The following FAM135B variants were observed in gnomAD, a reference collection of about 807,000 sequenced individuals.
FAM135B encodes protein FAM135B.
In FAM135B, 43 loss-of-function variants were observed where a neutral mutation model predicts 127.7. The ratio of observed to expected loss-of-function variants is 0.34; its 90% CI spans 0.26 to 0.43. The LOEUF is 0.43. FAM135B is among the 20% of genes least tolerant of loss of function. FAM135B has a pLI of 1.00. For missense variants in FAM135B, 1,558 were observed against 1,725.6 expected (o/e 0.90, Z 1.72); for synonymous variants, 670 against 665.1 (o/e 1.01, Z -0.11).
chr8:138,297,015 A>G (rs561831995), intron 3 of FAM135B, among the ~76,000 whole-genome samples: 1 of 152,194 alleles, frequency 6.6e-6, no homozygotes, highest in East Asian at 1.9e-4. Context: ...TTCTCATGTC[A>G]TTGCACAACT....
At chr8:138,305,896 C>T (rs886597539) in intron 3 of FAM135B, among the ~76,000 whole-genome samples, 12 of 152,004 alleles carry the variant, frequency 7.9e-5, no homozygotes, top group African/African-American at 2.9e-4. Flanking sequence ...AGGAAGACCA[C>T]TTGAAATTAT....
At chr8:138,169,807 T>G (rs1820268978) in intron 11 of FAM135B, among the ~76,000 whole-genome samples, 1 of 152,168 alleles carries the variant, frequency 6.6e-6, no homozygotes, top group Non-Finnish European at 1.5e-5. Context: ...AACAAGCGAT[T>G]AAGCAATATA....
chr8:138,379,341 G>C (rs1283757836), intron 1 of FAM135B, among the ~76,000 whole-genome samples: 1 of 151,962 alleles, frequency 6.6e-6, no homozygotes, highest in African/African-American at 2.4e-5. Flanking sequence ...TATCTACTTA[G>C]TAGTGATTCA....
At chr8:138,270,925 AG>A in intron 3 of FAM135B, among the ~76,000 whole-genome samples, 1 of 152,350 alleles carries the variant, frequency 6.6e-6, no homozygotes, top group South Asian at 2.1e-4. Flanking sequence ...GGAGCAGCAA[AG>A]GGTTCACTTT....
rs766380966 is a variant in FAM135B, at chr8:138,152,811, T to C, written c.1664A>G (p.Asp555Gly). Residue 555 changes from aspartate (D) to glycine (G), a missense_variant, in exon 13 of 20, where the codon GAC becomes GGC. Physicochemically the swap from Asp to Gly is moderately conservative, Grantham distance 94 (BLOSUM62 -1). This residue lies in a region of FAM135B where 923 missense variants were observed against 865.3 expected (regional missense o/e 1.07). Transcript: ENST00000395297. ...GGGGTTCTTATTGCTAGATTTTACG[T>C]CAATGTAGGTCAGCACTGGGGCCTG... Reference protein sequence around the residue: ...DGQAPVLTYIDVKSSNKNPSR... With the variant: ...DGQAPVLTYIGVKSSNKNPSR... The C allele has an allele frequency of 6.2e-7, 1 of 1,614,144 alleles. No individual in the cohort carries two copies. Among genetic ancestry groups the C allele is most frequent in the Non-Finnish European group, 8.5e-7 (1 of 1,180,034 alleles).
In FAM135B at chr8:138,440,587, T is replaced by C. The variant is rs566802607; in HGVS notation, c.-20+56084A>G. ...ACCAAAATCATCATCATTGCTATCA[T>C]TACAAGATAACATAAATCAGTTCCA... On this transcript the variant is annotated intron_variant, in intron 1 of 19. Coordinates refer to ENST00000395297, the MANE Select transcript of FAM135B (RefSeq NM_015912.4). 3.9e-5 allele frequency: 6 copies of C among 152,122 alleles called. No individual in the cohort carries two copies. The East Asian group carries it at 1.2e-3, about 29-fold the overall frequency. The allele number at this position is 152,122 out of a possible 1,614,324, so 9.4% of individuals were successfully genotyped here.
rs560851799 is a variant in FAM135B at position 138,223,542 on chromosome 8, A to G, written c.669+19400T>C. The stretch of plus-strand genomic sequence containing the variant: ...ATTCCTAAGATAAAGAGGATCCTGA[A>G]GGGTATCCCAGGCATAGGAAGCAGC... On this transcript the variant is annotated intron_variant, in intron 7 of 19. Transcript: ENST00000395297. Among the ~76,000 whole-genome samples, 283 of 152,318 alleles carry G rather than the reference A, an allele frequency of 1.9e-3. 1 individual carries two copies. Among genetic ancestry groups the G allele is most frequent in the Middle Eastern group, 0.017 (5 of 294 alleles).
intron 7 of FAM135B, among the ~76,000 whole-genome samples, chr8:138,224,729 C>CATTA (rs1166240525): frequency 1.3e-5 from 2 of 152,088 alleles, no homozygotes; most frequent in Non-Finnish European, 2.9e-5. Flanking sequence ...TTTGGAAAGT[C>CATTA]ATTAGAGTTG....
intron 1 of FAM135B, among the ~76,000 whole-genome samples, chr8:138,383,360 C>T (rs1041220262): frequency 2.0e-5 from 3 of 152,204 alleles, no homozygotes; most frequent in Non-Finnish European, 2.9e-5. Context: ...TGTAAAAACA[C>T]ACATATCTAG....
chr8:138,198,712 G>T lies in FAM135B; in HGVS notation c.670-1043C>A, dbSNP rs76771433. Reference sequence around the variant, plus strand: ...AAAGTAATTTGTCCAATGAGGAAAAGACACCTAAGTCTACAGTGCACTTGG... The same window carrying T: ...AAAGTAATTTGTCCAATGAGGAAAATACACCTAAGTCTACAGTGCACTTGG... On this transcript the variant is annotated intron_variant, in intron 7 of 19. Transcript: ENST00000395297. Among the ~76,000 whole-genome samples the T allele has an allele frequency of 1.1e-4, 16 of 152,332 alleles. No individual in the cohort carries two copies. The East Asian group carries it at 3.1e-3, about 29-fold the overall frequency.
intron 1 of FAM135B, among the ~76,000 whole-genome samples, chr8:138,401,744 G>A (rs1833166031): frequency 6.6e-6 from 1 of 152,188 alleles, no homozygotes; most frequent in Admixed American, 6.5e-5. Flanking sequence ...CCTTTCTTAA[G>A]AGCCAGTGAT....
chr8:138,283,855 G>T (rs1307689453), intron 3 of FAM135B, among the ~76,000 whole-genome samples: 2 of 151,954 alleles, frequency 1.3e-5, no homozygotes, highest in Non-Finnish European at 2.9e-5. Context: ...GAGGTGAGGA[G>T]TGAGTTGAAG....
At chr8:138,373,748 G>T (rs1192810244) in intron 1 of FAM135B, among the ~76,000 whole-genome samples, 2 of 152,024 alleles carry the variant, frequency 1.3e-5, no homozygotes, top group African/African-American at 2.4e-5. Context: ...GCCCCCTTGG[G>T]TGTGGCCGTC....
At chr8:138,361,794 C>G (rs1830438584) in intron 2 of FAM135B, among the ~76,000 whole-genome samples, 1 of 152,142 alleles carries the variant, frequency 6.6e-6, no homozygotes, top group Admixed American at 6.6e-5. Context: ...CCTTGTCGGG[C>G]TGACCCACAT....
intron 1 of FAM135B, among the ~76,000 whole-genome samples, chr8:138,410,861 C>T (rs1372580088): frequency 1.3e-5 from 2 of 151,950 alleles, no homozygotes; most frequent in East Asian, 1.9e-4. Flanking sequence ...AAACAGAGAG[C>T]CAAATCATGA....
chr8:138,330,822 C>T (rs1302589503), intron 2 of FAM135B, among the ~76,000 whole-genome samples: 4 of 151,844 alleles, frequency 2.6e-5, no homozygotes, highest in Non-Finnish European at 5.9e-5. Context: ...AATAAGCTGT[C>T]GGCCACTCTC....
At chr8:138,377,004 C>T (rs1416374863) in intron 1 of FAM135B, among the ~76,000 whole-genome samples, 1 of 152,180 alleles carries the variant, frequency 6.6e-6, no homozygotes, top group African/African-American at 2.4e-5. Flanking sequence ...AGAGCATTCT[C>T]AGTTGCCTCT....
At chr8:138,374,983 TAACAACAACAAC>T (rs58875296) in intron 1 of FAM135B, among the ~76,000 whole-genome samples, 15 of 150,262 alleles carry the variant, frequency 1.0e-4, no homozygotes, top group South Asian at 2.1e-4. Context: ...CTGGGAAAAT[TAACAACAACAAC>T]AACAACAACA....
intron 7 of FAM135B, among the ~76,000 whole-genome samples, chr8:138,211,647 C>T (rs1477478665): frequency 2.0e-5 from 3 of 152,252 alleles, no homozygotes; most frequent in Non-Finnish European, 4.4e-5. Flanking sequence ...TTTAATGCTG[C>T]TCTGCACTTA....
Sources: gnomAD v4.1 joint callset for allele counts (sites outside exome capture counted in the v4.1 genomes callset) on GRCh38, gnomAD v4.1.1 for gene constraint, gnomAD v4.1.1 regional missense constraint, MANE v1.5 for transcripts, NCBI Gene and HGNC (gene_info 2026-07-23, HGNC 2026-07-21) for gene names.